The following FGF9 variants were observed in gnomAD, a reference collection of about 807,000 sequenced individuals.
FGF9 encodes the protein fibroblast growth factor 9 (glia-activating factor).
A neutral mutation model predicts 19.9 loss-of-function variants in FGF9; 3 were observed. That is an observed-to-expected ratio of 0.15 (90% CI 0.07 to 0.39). The LOEUF is 0.39. Among genes scored for constraint, FGF9 ranks in the 10% least tolerant of loss-of-function variants. The probability of loss-of-function intolerance (pLI) is 1.00; values close to 1 mark genes in which losing one functional copy is unlikely to be tolerated. For missense variants in FGF9, 175 were observed against 256.8 expected (o/e 0.68, Z 2.18); for synonymous variants, 107 against 106.9 (o/e 1.00, Z -0.01).
rs905161466 is a variant in FGF9 at position 21,703,084 on chromosome 13, T to C, written c.*1649T>C. Reference sequence around the variant, plus strand: ...TACTAAGGAGAAAAGAGCCAAATTCTTAAAGCAATATTTAAGAAAAAAGGA... The same window carrying C: ...TACTAAGGAGAAAAGAGCCAAATTCCTAAAGCAATATTTAAGAAAAAAGGA... On this transcript the variant is annotated 3_prime_UTR_variant, in exon 3 of 3. Coordinates refer to ENST00000382353, the MANE Select transcript of FGF9 (RefSeq NM_002010.3). 2.0e-5 allele frequency: 3 copies of C among 152,272 alleles called. No individual in the cohort carries two copies. The highest frequency in any genetic ancestry group is 7.2e-5 in the African/African-American group (3 of 41,472). The allele number at this position is 152,272 out of a possible 1,614,324, so 9.4% of individuals were successfully genotyped here.
Position 21,701,421 on chromosome 13 carries a change from C to T in FGF9, c.613C>T (p.Leu205=), listed in dbSNP as rs757054364. The T allele has an allele frequency of 6.2e-7, 1 of 1,614,020 alleles. No individual in the cohort carries two copies. The highest frequency in any genetic ancestry group is 1.1e-5 in the South Asian group (1 of 91,068). The part of the protein sequence containing the change: ...DKVPELYKDI[L]SQS ...AGTACCTGAACTGTATAAGGATATTCTAAGCCAAAGTTGACAAAGACAGTT... is the reference window on the plus strand; with the variant it reads ...AGTACCTGAACTGTATAAGGATATTTTAAGCCAAAGTTGACAAAGACAGTT... The change falls in exon 3 of 3, where the codon CTA becomes TTA. Residue 205 remains leucine, a synonymous_variant. Coordinates refer to ENST00000382353, the MANE Select transcript of FGF9 (RefSeq NM_002010.3).
At chr13:21,682,609 C>A (rs1005166659) in intron 2 of FGF9, among the ~76,000 whole-genome samples, 3 of 150,700 alleles carry the variant, frequency 2.0e-5, no homozygotes, top group African/African-American at 7.3e-5. Context: ...TTGTGAATAC[C>A]TTTAAGTGTG....
chr13:21,689,415 A>C (rs1872236805), intron 2 of FGF9, among the ~76,000 whole-genome samples: 1 of 151,970 alleles, frequency 6.6e-6, no homozygotes. Flanking sequence ...ATGTTGAACG[A>C]ATGAATGTAT....
intron 1 of FGF9, among the ~76,000 whole-genome samples, chr13:21,675,143 G>A (rs1186782638): frequency 2.6e-5 from 4 of 151,956 alleles, no homozygotes; most frequent in Non-Finnish European, 5.9e-5. Context: ...TCGGCCTGGC[G>A]TCGGCCGAGG....
At chr13:21,685,897 C>A (rs773934667) in intron 2 of FGF9, among the ~76,000 whole-genome samples, 11 of 152,088 alleles carry the variant, frequency 7.2e-5, no homozygotes, top group Non-Finnish European at 1.6e-4. Context: ...AAATACGCTG[C>A]CAGGTTGAAA....
intron 1 of FGF9, chr13:21,674,190 C>A (rs2138126947): frequency 6.5e-6 from 1 of 153,242 alleles, no homozygotes; most frequent in Non-Finnish European, 1.5e-5. Context: ...GAGTTGGTGG[C>A]GGGGACAGAG....
intron 1 of FGF9, among the ~76,000 whole-genome samples, chr13:21,677,629 G>A (rs1156292198): frequency 6.6e-6 from 1 of 152,116 alleles, no homozygotes; most frequent in Non-Finnish European, 1.5e-5. Context: ...ATCCTGTTGC[G>A]GGGTTGCTAG....
chr13:21,678,395 C>T (rs1389070464), intron 1 of FGF9, among the ~76,000 whole-genome samples: 2 of 152,082 alleles, frequency 1.3e-5, no homozygotes. Flanking sequence ...TAATTATTAA[C>T]CTCCTTAAAC....
In FGF9 at chr13:21,671,476, C is replaced by T; in HGVS notation, c.-437C>T. ...TGGAGTCAGGATCCGTAAATTCTGA[C>T]GTAGCCCGTGCATCTTAAAAATCCC... On this transcript the variant is annotated 5_prime_UTR_variant, in exon 1 of 3. It adds an upstream start codon to the 5' untranslated region. Transcript: ENST00000382353. 2 of 452,560 alleles carry T rather than the reference C, an allele frequency of 4.4e-6. No homozygotes were observed. The highest frequency in any genetic ancestry group is 7.7e-6 in the Non-Finnish European group (2 of 258,788). 28.0% of individuals were successfully genotyped at this position (452,560 alleles called of 1,614,324 possible).
rs920836894 is a variant in FGF9 at position 21,685,893 on chromosome 13, G to A, written c.381+4748G>A. ...CCTTCAAATGTCACAATTAAAATAC[G>A]CTGCCAGGTTGAAATTTCGAGAGGA... On this transcript the variant is annotated intron_variant, in intron 2 of 2. Coordinates refer to ENST00000382353, the MANE Select transcript of FGF9 (RefSeq NM_002010.3). Among the ~76,000 whole-genome samples, 7 of 152,126 alleles carry A rather than the reference G, an allele frequency of 4.6e-5. No homozygotes were observed. In the East Asian group the frequency reaches 1.3e-3, roughly 29 times the overall value.
rs922422135 is a variant in FGF9, at chr13:21,672,593, T to C, written c.277+404T>C. Among the ~76,000 whole-genome samples the C allele has an allele frequency of 6.6e-6, 1 of 152,240 alleles. No individual in the cohort carries two copies. The highest frequency in any genetic ancestry group is 1.5e-5 in the Non-Finnish European group (1 of 68,046). On this transcript the variant is annotated intron_variant, in intron 1 of 2. Coordinates refer to ENST00000382353, the MANE Select transcript of FGF9 (RefSeq NM_002010.3). The surrounding 1 kb of genome is among the most constrained non-coding windows in gnomAD (Gnocchi z 4.2). The stretch of plus-strand genomic sequence containing the variant: ...AGTTTCTTGAAGGCAGTGGGTATCT[T>C]GTGCCCAAATTAAGGTTTTTTTCCT...
chr13:21,685,710 G>A (rs891428087), intron 2 of FGF9, among the ~76,000 whole-genome samples: 29 of 152,330 alleles, frequency 1.9e-4, no homozygotes, highest in African/African-American at 6.7e-4. Context: ...AGGGCAGTGT[G>A]AAATTTCCCA....
Position 21,671,910 on chromosome 13 carries a change from C to T in FGF9, c.-3C>T. ...TCTTGTGCTCCAAAAGCCGAGTCCT[C>T]TGATGGCTCCCTTAGGTGAAGTTGG... On this transcript the variant is annotated 5_prime_UTR_variant, in exon 1 of 3. Coordinates refer to ENST00000382353, the MANE Select transcript of FGF9 (RefSeq NM_002010.3). 1.9e-6 allele frequency: 3 copies of T among 1,614,200 alleles called. No homozygotes were observed. The highest frequency in any genetic ancestry group is 2.5e-6 in the Non-Finnish European group (3 of 1,180,044).
In FGF9 at chr13:21,702,849, G is replaced by A. The variant is rs1872578228; in HGVS notation, c.*1414G>A. 1 of 152,184 alleles carries A rather than the reference G, an allele frequency of 6.6e-6. No individual in the cohort carries two copies. Among genetic ancestry groups the A allele is most frequent in the Non-Finnish European group, 1.5e-5 (1 of 68,032 alleles). The allele number at this position is 152,184 out of a possible 1,614,324, so 9.4% of individuals were successfully genotyped here. A position where few individuals can be genotyped will look rare whatever the true frequency, so the allele number is the denominator to read the frequency against. On this transcript the variant is annotated 3_prime_UTR_variant, in exon 3 of 3. Coordinates refer to ENST00000382353, the MANE Select transcript of FGF9 (RefSeq NM_002010.3). The stretch of plus-strand genomic sequence containing the variant: ...AAATCGTTATCAATAATGACAATGA[G>A]GGGGAAAGTATTATACTTGTTGACT...
intron 2 of FGF9, among the ~76,000 whole-genome samples, chr13:21,699,846 A>C (rs1386421552): frequency 6.6e-6 from 1 of 152,178 alleles, no homozygotes; most frequent in Non-Finnish European, 1.5e-5. Context: ...TATTTCTAAC[A>C]AGTTATTTTC....
intron 2 of FGF9, among the ~76,000 whole-genome samples, chr13:21,698,531 C>T (rs1225434759): frequency 6.6e-6 from 1 of 152,172 alleles, no homozygotes; most frequent in Non-Finnish European, 1.5e-5. Flanking sequence ...TTGTAAAGCC[C>T]TGCAGCTAGT....
chr13:21,700,284 C>T (rs369496510), intron 2 of FGF9, among the ~76,000 whole-genome samples: 14 of 152,018 alleles, frequency 9.2e-5, no homozygotes, highest in Non-Finnish European at 1.6e-4. Context: ...AGGAAAAGGC[C>T]GGAATATTTG....
intron 2 of FGF9, 95 bp downstream of exon 2, chr13:21,681,240 A>G (rs1342515995): frequency 3.2e-6 from 3 of 944,700 alleles, no homozygotes; most frequent in Non-Finnish European, 5.1e-6. Flanking sequence ...AATGCAACTG[A>G]GTCTGTTTGG....
At chr13:21,679,186 TG>T (rs1287334518) in intron 1 of FGF9, among the ~76,000 whole-genome samples, 11 of 152,206 alleles carry the variant, frequency 7.2e-5, no homozygotes, top group African/African-American at 2.7e-4. Flanking sequence ...TCACTTTTTT[TG>T]ATATACTGTT....
Sources: gnomAD v4.1 joint callset for allele counts (sites outside exome capture counted in the v4.1 genomes callset) on GRCh38, gnomAD v4.1.1 for gene constraint, Gnocchi (gnomAD v3.1) non-coding constraint, MANE v1.5 for transcripts, NCBI Gene and HGNC (gene_info 2026-07-23, HGNC 2026-07-21) for gene names.